The following TSPAN4 variants were observed in gnomAD, a reference collection of about 807,000 sequenced individuals.
The protein encoded by TSPAN4 is tetraspanin-4.
A neutral mutation model predicts 31.5 loss-of-function variants in TSPAN4; 38 were observed. The ratio of observed to expected loss-of-function variants is 1.21; its 90% CI spans 0.93 to 1.58. The LOEUF (loss-of-function observed/expected upper bound fraction) is 1.58. TSPAN4 is among the 40% of genes most tolerant of loss of function. TSPAN4 has a pLI of 0.00. For missense variants in TSPAN4, 330 were observed against 317.3 expected (o/e 1.04, Z -0.30); for synonymous variants, 186 against 144.6 (o/e 1.29, Z -2.06).
chr11:865,279 C>T (rs1848705812), intron 5 of TSPAN4: 1 of 570,578 alleles, frequency 1.8e-6, no homozygotes, highest in Non-Finnish European at 3.1e-6. Context: ...TCTGTCCCCC[C>T]AGGACCCATG....
rs910807377 is a variant in TSPAN4, at chr11:848,302, G to A, written c.-18+1002G>A. On this transcript the variant is annotated intron_variant, in intron 2 of 8. Transcript: ENST00000397397. This position sits in a 1 kb window ranked among gnomAD's most constrained non-coding sequence, Gnocchi z 5.7. The stretch of plus-strand genomic sequence containing the variant: ...GCCCAGACCCACCAAAGAACCCCCA[G>A]GGGAAGGACAGGGTAGGGGCCATGG... Among the ~76,000 whole-genome samples, 3 of 152,214 alleles carry A rather than the reference G, an allele frequency of 2.0e-5. No homozygotes were observed. The highest frequency in any genetic ancestry group is 4.4e-5 in the Non-Finnish European group (3 of 68,020).
At position 848,945 on chromosome 11, in the gene TSPAN4, C is replaced by T. The variant is rs1333336845; in HGVS notation, c.-17-1343C>T. 4.2e-6 allele frequency: 3 copies of T among 706,510 alleles called. No individual in the cohort carries two copies. The highest frequency in any genetic ancestry group is 1.5e-5 in the South Asian group (1 of 66,386). The allele number at this position is 706,510 out of a possible 1,614,324, so 43.8% of individuals were successfully genotyped here. The stretch of plus-strand genomic sequence containing the variant: ...TGCGCACGGGGCCGGTATGTCTGTA[C>T]CTGTCAAGGGGTGGGGTGGGGTCTT... On this transcript the variant is annotated intron_variant, in intron 2 of 8. Transcript: ENST00000397397. The surrounding 1 kb of genome is among the most constrained non-coding windows in gnomAD (Gnocchi z 5.7).
rs573512422 is a variant in TSPAN4, at chr11:861,518, C to T, written c.64-1032C>T. On this transcript the variant is annotated intron_variant, in intron 3 of 8. Coordinates refer to ENST00000397397, the MANE Select transcript of TSPAN4 (RefSeq NM_003271.5). ...ACGAGGTTGGGAGATCAAGACCATC[C>T]TGGCTAACACGGTGAAACCCTGTCT... Among the ~76,000 whole-genome samples the T allele has an allele frequency of 3.9e-5, 6 of 152,266 alleles. No homozygotes were observed. In the South Asian group the frequency reaches 1.2e-3, roughly 32 times the overall value.
chr11:862,331 T>G, intron 3 of TSPAN4: 1 of 553,260 alleles, frequency 1.8e-6, no homozygotes, highest in Non-Finnish European at 3.2e-6. Flanking sequence ...CCATGGAGTG[T>G]GGGTTTGGGG....
chr11:852,123 T>G (rs1306403992), intron 3 of TSPAN4, among the ~76,000 whole-genome samples: 1 of 152,070 alleles, frequency 6.6e-6, no homozygotes, highest in African/African-American at 2.4e-5. Context: ...AATGCAATTC[T>G]CTCTTTTTTA....
chr11:863,045 G>A (rs771290974), intron 4 of TSPAN4: 28 of 299,930 alleles, frequency 9.3e-5, no homozygotes, highest in Middle Eastern at 1.8e-3. Context: ...CCGCACACAC[G>A]TACACACGCA....
chr11:858,580 TCACA>T (rs1156317865), intron 3 of TSPAN4: 1 of 136,562 alleles, frequency 7.3e-6, no homozygotes, highest in Non-Finnish European at 1.5e-5. Flanking sequence ...CACTCCCGGC[TCACA>T]CGCACCCCTG....
At chr11:859,136 CTGGG>C (rs1848260543) in intron 3 of TSPAN4, among the ~76,000 whole-genome samples, 1 of 135,448 alleles carries the variant, frequency 7.4e-6, no homozygotes, top group Non-Finnish European at 1.6e-5. Flanking sequence ...ACACGCACCC[CTGGG>C]CTCACATGCA....
At chr11:849,388 C>T (rs535665353) in intron 2 of TSPAN4, among the ~76,000 whole-genome samples, 8 of 151,636 alleles carry the variant, frequency 5.3e-5, no homozygotes, top group African/African-American at 1.7e-4. Flanking sequence ...GGAGCCGCTT[C>T]AAGTTGCCAC....
At chr11:846,846 G>A (rs1847349757) in intron 1 of TSPAN4, among the ~76,000 whole-genome samples, 1 of 152,200 alleles carries the variant, frequency 6.6e-6, no homozygotes, top group Admixed American at 6.5e-5. Context: ...GCAAGCATGT[G>A]TCTTGGCCTG....
At chr11:856,514 T>G (rs925875787) in intron 3 of TSPAN4, among the ~76,000 whole-genome samples, 1 of 152,216 alleles carries the variant, frequency 6.6e-6, no homozygotes, top group African/African-American at 2.4e-5. Flanking sequence ...CCAGCTGTCA[T>G]GGGGCGGGGT....
intron 8 of TSPAN4, 97 bp downstream of exon 8, chr11:866,098 A>C: frequency 7.4e-7 from 1 of 1,351,752 alleles, no homozygotes; most frequent in Non-Finnish European, 1.0e-6. Context: ...CCAGGAACCC[A>C]CGATCGGGGG....
At chr11:858,782 ATGCACCCC>A in intron 3 of TSPAN4, 1 of 137,472 alleles carries the variant, frequency 7.3e-6, no homozygotes, top group South Asian at 1.7e-4. Context: ...CCCGGCTCAC[ATGCACCCC>A]CGCTTGCATG....
In TSPAN4 at chr11:865,691, C is replaced by A. The variant is rs1337740499; in HGVS notation, c.433-3C>A. 6.2e-7 allele frequency: 1 copy of A among 1,613,278 alleles called. No individual in the cohort carries two copies. The highest frequency in any genetic ancestry group is 1.1e-5 in the South Asian group (1 of 91,076). On this transcript the variant is annotated splice_region_variant and splice_polypyrimidine_tract_variant and intron_variant, in intron 6 of 8. Transcript: ENST00000397397. ...CTCAGCCCGACCTGAGCTTGCCCCC[C>A]AGTTCCGCTGCTGTGGCGTCTCCAA...
At chr11:852,035 TG>T (rs1180987418) in intron 3 of TSPAN4, among the ~76,000 whole-genome samples, 1 of 152,112 alleles carries the variant, frequency 6.6e-6, no homozygotes, top group East Asian at 1.9e-4. Context: ...TCCTACCGCA[TG>T]GCAGACACAC....
intron 1 of TSPAN4, among the ~76,000 whole-genome samples, chr11:845,945 G>A (rs1847298243): frequency 2.0e-5 from 3 of 152,190 alleles, no homozygotes; most frequent in Admixed American, 1.3e-4. Context: ...TGTGCATGAG[G>A]GAGTGCCAGC....
chr11:858,961 C>T (rs1589781234), intron 3 of TSPAN4, among the ~76,000 whole-genome samples: 1 of 131,802 alleles, frequency 7.6e-6, no homozygotes, highest in South Asian at 2.7e-4. Flanking sequence ...CTTGCACCCC[C>T]GGCACACATG....
At position 862,711 on chromosome 11, in the gene TSPAN4, C is replaced by T. The variant is rs1273936085; in HGVS notation, c.225C>T (p.Ala75=). The T allele has an allele frequency of 6.2e-7, 1 of 1,612,620 alleles. No homozygotes were observed. Among genetic ancestry groups the T allele is most frequent in the Non-Finnish European group, 8.5e-7 (1 of 1,179,590 alleles). Residue 75 remains alanine (A), a synonymous_variant, in exon 4 of 9, where the codon GCC becomes GCT. Coordinates refer to ENST00000397397, the MANE Select transcript of TSPAN4 (RefSeq NM_003271.5). ...TCGGCTTCGTGGGCTGCCTGGGTGC[C>T]ATCAAGGAGAACAAGTGCCTCCTGC... ...MAIGFVGCLG[A]IKENKCLLLT...
intron 3 of TSPAN4, among the ~76,000 whole-genome samples, chr11:852,439 C>T (rs1040709750): frequency 1.3e-5 from 2 of 152,248 alleles, no homozygotes; most frequent in Non-Finnish European, 2.9e-5. Context: ...CACCACCTTC[C>T]CGCCAGTCCA....
Sources: allele counts gnomAD v4.1 joint callset (sites outside exome capture counted in the v4.1 genomes callset), GRCh38; gene constraint gnomAD v4.1.1; non-coding constraint Gnocchi (gnomAD v3.1); transcripts MANE v1.5; gene names NCBI Gene and HGNC (gene_info 2026-07-23, HGNC 2026-07-21).